IL1RAPL1: variants seen among roughly 807,000 people sequenced by gnomAD.
IL1RAPL1 encodes interleukin 1 receptor accessory protein like 1, also known as interleukin-1 receptor accessory protein-like 1.
In IL1RAPL1, 3 loss-of-function variants were observed where a neutral mutation model predicts 48.4. That is an observed-to-expected ratio of 0.06 (90% CI 0.03 to 0.16). IL1RAPL1 has a LOEUF of 0.16. Among genes scored for constraint, IL1RAPL1 ranks in the 10% least tolerant of loss-of-function variants. The pLI is 1.00. For synonymous variants in IL1RAPL1, 185 were observed against 187.7 expected, an observed-to-expected ratio of 0.99 and a Z score of 0.12; for missense variants, 349 against 530.6, an observed-to-expected ratio of 0.66 and a Z score of 3.36.
At chrX:29,106,447 T>A (rs943299406) in intron 2 of IL1RAPL1, among the ~76,000 whole-genome samples, 3 of 110,957 alleles carry the variant, frequency 2.7e-5, no homozygotes, top group Admixed American at 9.6e-5. Context: ...AAAAAAAAAA[T>A]TATTTTTTCT....
chrX:29,719,434 A>G lies in IL1RAPL1; in HGVS notation c.778+50930A>G, dbSNP rs150972134. Among the ~76,000 whole-genome samples the G allele has an allele frequency of 8.3e-4, 92 of 111,449 alleles. 1 individual carries two copies. The highest frequency in any genetic ancestry group is 1.3e-3 in the Non-Finnish European group (71 of 53,028). On this transcript the variant is annotated intron_variant, in intron 6 of 10. Coordinates refer to ENST00000378993, the MANE Select transcript of IL1RAPL1 (RefSeq NM_014271.4). ...CTGCAAGGTAGGCATCAATTACCCAATCCTTACCCAAAGTCACATGTCTAG... is the reference window on the plus strand; with the variant it reads ...CTGCAAGGTAGGCATCAATTACCCAGTCCTTACCCAAAGTCACATGTCTAG...
At chrX:29,500,266 C>T (rs1351712536) in intron 5 of IL1RAPL1, among the ~76,000 whole-genome samples, 1 of 112,353 alleles carries the variant, frequency 8.9e-6, no homozygotes, top group Non-Finnish European at 1.9e-5. Flanking sequence ...CAGGCGTGAG[C>T]CATCGTGCCC....
At chrX:29,639,153 T>A (rs1248446611) in intron 5 of IL1RAPL1, among the ~76,000 whole-genome samples, 1 of 99,130 alleles carries the variant, frequency 1.0e-5, no homozygotes, top group Non-Finnish European at 2.0e-5. Flanking sequence ...GCCATTGCAC[T>A]CCAGCATGGG....
intron 6 of IL1RAPL1, among the ~76,000 whole-genome samples, chrX:29,906,544 C>A: frequency 1.4e-5 from 1 of 72,896 alleles, no homozygotes. Context: ...GGTTGGGTTG[C>A]CAGTGACCCA....
At chrX:29,769,278 T>C (rs1395322911) in intron 6 of IL1RAPL1, among the ~76,000 whole-genome samples, 1 of 110,054 alleles carries the variant, frequency 9.1e-6, no homozygotes, top group Non-Finnish European at 1.9e-5. Flanking sequence ...TTGATAAACA[T>C]GTGGGGTTGT....
chrX:28,859,685 T>C (rs927767219), intron 2 of IL1RAPL1, among the ~76,000 whole-genome samples: 1 of 109,473 alleles, frequency 9.1e-6, no homozygotes, highest in Non-Finnish European at 1.9e-5. Context: ...AATCATTTAA[T>C]TTTTCCATTG....
At chrX:28,938,640 C>A (rs1159210079) in intron 2 of IL1RAPL1, among the ~76,000 whole-genome samples, 2 of 111,194 alleles carry the variant, frequency 1.8e-5, no homozygotes, top group African/African-American at 6.5e-5. Context: ...ACAAAGATGC[C>A]AAAAGCAATT....
Position 28,939,758 on chromosome X carries a change from C to T in IL1RAPL1, c.82+150333C>T, listed in dbSNP as rs140514334. Among the ~76,000 whole-genome samples, 387 of 111,477 alleles carry T rather than the reference C, an allele frequency of 3.5e-3. 3 individuals are homozygous for T. Among genetic ancestry groups the T allele is most frequent in the African/African-American group, 0.012 (362 of 30,814 alleles). On this transcript the variant is annotated intron_variant, in intron 2 of 10. Transcript: ENST00000378993. ...ATCTCTGAAATCAAGACATATTTTACAATTGATTGGGAGCAATTTTCTTGC... is the reference window on the plus strand; with the variant it reads ...ATCTCTGAAATCAAGACATATTTTATAATTGATTGGGAGCAATTTTCTTGC...
At chrX:29,535,134 C>CAAA (rs35842937) in intron 5 of IL1RAPL1, among the ~76,000 whole-genome samples, 1,132 of 22,523 alleles carry the variant, frequency 0.05, 152 homozygotes, top group Middle Eastern at 0.11. Context: ...ACTCTGTCTC[C>CAAA]AAAAAAAAAA....
chrX:29,195,669 C>T (rs1256416698), intron 2 of IL1RAPL1, among the ~76,000 whole-genome samples: 4 of 106,695 alleles, frequency 3.7e-5, no homozygotes, highest in Non-Finnish European at 7.7e-5. Context: ...AAGCGATTCT[C>T]CTCCCTCAGC....
chrX:29,747,705 C>T (rs908812377), intron 6 of IL1RAPL1, among the ~76,000 whole-genome samples: 3 of 112,538 alleles, frequency 2.7e-5, no homozygotes, highest in African/African-American at 9.7e-5. Context: ...TTCTTAATCA[C>T]CTCTAATTGT....
intron 6 of IL1RAPL1, among the ~76,000 whole-genome samples, chrX:29,730,329 C>T (rs1000520546): frequency 8.9e-6 from 1 of 111,996 alleles, no homozygotes; most frequent in Non-Finnish European, 1.9e-5. Context: ...ACAACTTTAC[C>T]CCCTGGATGC....
At chrX:28,770,549 G>A (rs1193337496) in intron 1 of IL1RAPL1, among the ~76,000 whole-genome samples, 1 of 112,377 alleles carries the variant, frequency 8.9e-6, no homozygotes. Flanking sequence ...CAATCTTGCT[G>A]ACATGTGTCA....
intron 2 of IL1RAPL1, among the ~76,000 whole-genome samples, chrX:29,103,389 T>G (rs913503183): frequency 9.0e-6 from 1 of 111,686 alleles, no homozygotes; most frequent in Non-Finnish European, 1.9e-5. Flanking sequence ...ATCTCTTCAA[T>G]AAGTGGTGGT....
intron 2 of IL1RAPL1, among the ~76,000 whole-genome samples, chrX:28,894,632 A>G (rs377360273): frequency 2.7e-5 from 3 of 110,485 alleles, no homozygotes; most frequent in East Asian, 2.9e-4. Context: ...AGTTATGAGA[A>G]CTGTAGAGAG....
intron 6 of IL1RAPL1, among the ~76,000 whole-genome samples, chrX:29,850,979 G>C (rs1397495981): frequency 9.0e-6 from 1 of 111,413 alleles, no homozygotes; most frequent in East Asian, 2.8e-4. Flanking sequence ...CCTTTGAGGA[G>C]GTAAAGTTAG....
intron 5 of IL1RAPL1, among the ~76,000 whole-genome samples, chrX:29,636,812 G>A (rs1469550452): frequency 9.0e-6 from 1 of 111,702 alleles, no homozygotes; most frequent in African/African-American, 3.3e-5. Context: ...GCCGAGGTGG[G>A]TGGATCACCT....
intron 2 of IL1RAPL1, among the ~76,000 whole-genome samples, chrX:28,886,067 C>T (rs1344313550): frequency 9.1e-6 from 1 of 110,186 alleles, no homozygotes; most frequent in South Asian, 3.8e-4. Flanking sequence ...TTGTTTCTAG[C>T]CTATAGTTTC....
At chrX:29,893,191 C>T (rs1237368437) in intron 6 of IL1RAPL1, among the ~76,000 whole-genome samples, 1 of 111,299 alleles carries the variant, frequency 9.0e-6, no homozygotes, top group Non-Finnish European at 1.9e-5. Context: ...ATCCCTATAA[C>T]GAACCTAGGA....
Sources: gnomAD v4.1 joint callset for allele counts (sites outside exome capture counted in the v4.1 genomes callset) on GRCh38, gnomAD v4.1.1 for gene constraint, MANE v1.5 for transcripts, NCBI Gene and HGNC (gene_info 2026-07-23, HGNC 2026-07-21) for gene names.